The following ART3 variants were observed in gnomAD, a reference collection of about 807,000 sequenced individuals.
ART3 encodes the protein ecto-ADP-ribosyltransferase 3.
ART3 carries 49 observed loss-of-function variants against 48.5 expected under a neutral mutation model. The observed-to-expected ratio is 1.01, with a 90% CI of 0.80 to 1.28. ART3 has a LOEUF of 1.28. ART3 is among the 50% of genes most tolerant of loss of function. The pLI is 0.00. For synonymous variants in ART3, 145 were observed against 157.2 expected, an observed-to-expected ratio of 0.92 and a Z score of 0.58; for missense variants, 438 against 454.3, an observed-to-expected ratio of 0.96 and a Z score of 0.33.
intron 10 of ART3, chr4:76,106,291 TATC>T (rs1475098120): frequency 1.0e-6 from 1 of 985,298 alleles, no homozygotes; most frequent in African/African-American, 1.7e-5. Context: ...AATATGGTAA[TATC>T]ATAATATTTC....
chr4:76,012,305 C>T (rs1731876835), intron 1 of ART3: 1 of 152,150 alleles, frequency 6.6e-6, no homozygotes, highest in South Asian at 2.1e-4. Context: ...AACCTCCAGG[C>T]CTGTTTGAAT....
intron 1 of ART3, among the ~76,000 whole-genome samples, chr4:76,066,830 C>T (rs1015435655): frequency 6.6e-6 from 1 of 152,166 alleles, no homozygotes; most frequent in Non-Finnish European, 1.5e-5. Context: ...TCATGACGCC[C>T]AGGCTCAGCC....
At chr4:76,066,272 GC>G (rs34120116) in intron 1 of ART3, among the ~76,000 whole-genome samples, 89,000 of 151,822 alleles carry the variant, frequency 0.59, 26,931 homozygotes, top group East Asian at 0.94. Flanking sequence ...TTCTTGTCCT[GC>G]GTCCAGGAAG....
chr4:76,085,762 T>TTAAA (rs1434286087), intron 3 of ART3, among the ~76,000 whole-genome samples: 1 of 152,140 alleles, frequency 6.6e-6, no homozygotes, highest in Non-Finnish European at 1.5e-5. Flanking sequence ...GTTTCTATCT[T>TTAAA]TAAATAGAAA....
intron 1 of ART3, among the ~76,000 whole-genome samples, chr4:76,043,746 T>G (rs991988736): frequency 3.3e-5 from 5 of 149,978 alleles, no homozygotes; most frequent in African/African-American, 1.2e-4. Context: ...AGTGCAGCAG[T>G]GGGCTGAAGG....
chr4:76,066,462 C>T (rs1350043876), intron 1 of ART3, among the ~76,000 whole-genome samples: 5 of 152,052 alleles, frequency 3.3e-5, no homozygotes, highest in Admixed American at 2.6e-4. Flanking sequence ...TCTCTCTGCT[C>T]GCTGGTCATC....
intron 1 of ART3, among the ~76,000 whole-genome samples, chr4:76,012,908 A>G (rs1383510241): frequency 6.6e-6 from 1 of 151,854 alleles, no homozygotes; most frequent in African/African-American, 2.4e-5. Flanking sequence ...ATTTTACAAG[A>G]AAAAATCCAC....
chr4:76,105,550 A>C (rs1442302165), intron 10 of ART3: 1 of 1,288,716 alleles, frequency 7.8e-7, no homozygotes, highest in Non-Finnish European at 1.0e-6. Context: ...TGAATGAAAA[A>C]CCTGGTAATA....
chr4:76,012,697 A>G (rs1377902792), intron 1 of ART3, among the ~76,000 whole-genome samples: 4 of 152,306 alleles, frequency 2.6e-5, no homozygotes, highest in Admixed American at 2.6e-4. Context: ...GTAAAGGACA[A>G]CTTTTGCAAA....
chr4:76,037,816 A>G (rs919387150), intron 1 of ART3, among the ~76,000 whole-genome samples: 3 of 152,096 alleles, frequency 2.0e-5, no homozygotes, highest in Admixed American at 6.5e-5. Context: ...ATTTTCTCCT[A>G]TTTCCTAGTT....
chr4:76,023,514 G>T, intron 1 of ART3: 3 of 1,256,848 alleles, frequency 2.4e-6, no homozygotes, highest in Non-Finnish European at 3.5e-6. Context: ...CGTGGGGCTA[G>T]TGTGCCATAT....
chr4:76,038,712 T>C (rs1273907192), intron 1 of ART3, among the ~76,000 whole-genome samples: 1 of 151,324 alleles, frequency 6.6e-6, no homozygotes, highest in Non-Finnish European at 1.5e-5. Context: ...TATTTATTTA[T>C]TTATTTATTT....
intron 10 of ART3, chr4:76,106,236 C>T: frequency 1.0e-6 from 1 of 985,400 alleles, no homozygotes; most frequent in Non-Finnish European, 1.2e-6. Context: ...TTATCCACTT[C>T]TATCCTGGGC....
chr4:76,049,741 G>T (rs1031863981), intron 1 of ART3, among the ~76,000 whole-genome samples: 2 of 151,910 alleles, frequency 1.3e-5, no homozygotes, highest in Admixed American at 6.6e-5. Context: ...GGCGATAGGC[G>T]ATGGTCTTAC....
chr4:76,099,089 C>A (rs1450638304), intron 5 of ART3, 102 bp downstream of exon 5: 1 of 1,086,780 alleles, frequency 9.2e-7, no homozygotes, highest in Non-Finnish European at 1.4e-6. Context: ...ATCACTTGAG[C>A]CCAGGAGTTT....
intron 1 of ART3, among the ~76,000 whole-genome samples, chr4:76,048,388 C>A (rs1418873603): frequency 6.6e-6 from 1 of 151,822 alleles, no homozygotes; most frequent in Non-Finnish European, 1.5e-5. Flanking sequence ...AATGAGCCAT[C>A]TCTTTTTCAG....
intron 1 of ART3, chr4:76,022,792 G>T: frequency 1.2e-6 from 2 of 1,611,880 alleles, no homozygotes. Context: ...TGCAGGTACA[G>T]CGTACAGTTC....
At chr4:76,035,901 G>A (rs750416577) in intron 1 of ART3, 14 of 1,601,182 alleles carry the variant, frequency 8.7e-6, no homozygotes, top group East Asian at 6.7e-5. Flanking sequence ...GAACTTATAG[G>A]TTGAGAAATA....
At chr4:76,072,211 A>G (rs1720387126), upstream of ART3, among the ~76,000 whole-genome samples, 1 of 152,198 alleles carries the variant, frequency 6.6e-6, no homozygotes, top group African/African-American at 2.4e-5. Context: ...TGTATAATAA[A>G]TTGATATCTT....
Sources: allele counts gnomAD v4.1 joint callset (sites outside exome capture counted in the v4.1 genomes callset), GRCh38; gene constraint gnomAD v4.1.1; transcripts MANE v1.5; gene names NCBI Gene and HGNC (gene_info 2026-07-23, HGNC 2026-07-21).